The following SLC5A4 variants were observed in gnomAD, a reference collection of about 807,000 sequenced individuals.
SLC5A4 encodes the protein solute carrier family 5 member 4.
SLC5A4 carries 55 observed loss-of-function variants against 70.3 expected under a neutral mutation model. That is an observed-to-expected ratio of 0.78 (90% CI 0.63 to 0.98). The LOEUF is 0.98. SLC5A4 is among the 50% of genes least tolerant of loss of function. The pLI is 0.00. For synonymous variants in SLC5A4, 268 were observed against 305.7 expected (o/e 0.88, Z 1.29); for missense variants, 735 against 839.2 (o/e 0.88, Z 1.53).
intron 3 of SLC5A4, among the ~76,000 whole-genome samples, chr22:32,249,105 A>G (rs1368017754): frequency 2.0e-5 from 3 of 152,232 alleles, no homozygotes; most frequent in Admixed American, 1.3e-4. Flanking sequence ...CTTGAATTGC[A>G]TAAATGATAA....
the SLC5A4 span, among the ~76,000 whole-genome samples, chr22:32,315,992 C>T: frequency 0.47 from 71,649 of 151,116 alleles, 17,480 homozygotes; most frequent in East Asian, 0.72. Flanking sequence ...CATGATGAAA[C>T]CCCGTCTCTA....
chr22:32,261,799 A>G, the SLC5A4 span, among the ~76,000 whole-genome samples: 1 of 152,200 alleles, frequency 6.6e-6, no homozygotes, highest in Admixed American at 6.5e-5. Flanking sequence ...CCCATTAACC[A>G]TCCTCACCTC....
the SLC5A4 span, among the ~76,000 whole-genome samples, chr22:32,329,188 C>T: frequency 6.6e-6 from 1 of 151,966 alleles, no homozygotes; most frequent in African/African-American, 2.4e-5. Context: ...GGCTCTGGCC[C>T]AGCCTTGCCA....
At chr22:32,220,690 C>T (rs1239875962) in intron 14 of SLC5A4, among the ~76,000 whole-genome samples, 1 of 152,200 alleles carries the variant, frequency 6.6e-6, no homozygotes, top group Non-Finnish European at 1.5e-5. Context: ...ACTGTCATCT[C>T]AGTAACTATG....
chr22:32,314,611 A>AT, the SLC5A4 span, among the ~76,000 whole-genome samples: 4,046 of 152,270 alleles, frequency 0.027, 52 homozygotes, highest in Admixed American at 0.035. Flanking sequence ...TGGGCAGATG[A>AT]TTTTTTTAAA....
the SLC5A4 span, among the ~76,000 whole-genome samples, chr22:32,336,987 A>C: frequency 6.6e-6 from 1 of 152,264 alleles, no homozygotes; most frequent in Non-Finnish European, 1.5e-5. Context: ...GTTCCAGAGA[A>C]AGAAAAGCAG....
chr22:32,349,947 T>G, the SLC5A4 span, among the ~76,000 whole-genome samples: 1 of 152,156 alleles, frequency 6.6e-6, no homozygotes, highest in Non-Finnish European at 1.5e-5. Flanking sequence ...TCCGCAACTT[T>G]CTTTAGCTCT....
chr22:32,220,898 C>T, intron 14 of SLC5A4, 22 bp downstream of exon 14: 1 of 1,517,946 alleles, frequency 6.6e-7, no homozygotes, highest in Middle Eastern at 1.7e-4. Context: ...TACATGAAAA[C>T]CAAATGTAAA....
At chr22:32,317,916 C>T in the SLC5A4 span, among the ~76,000 whole-genome samples, 1 of 152,230 alleles carries the variant, frequency 6.6e-6, no homozygotes, top group African/African-American at 2.4e-5. Context: ...CATCCCTTAG[C>T]CCCTCCCAAC....
chr22:32,278,437 A>G, the SLC5A4 span, among the ~76,000 whole-genome samples: 1 of 152,252 alleles, frequency 6.6e-6, no homozygotes, highest in Non-Finnish European at 1.5e-5. Context: ...GAATTCTTCA[A>G]AGTTAATAGA....
In SLC5A4 at chr22:32,220,902, A is replaced by G. The variant is rs1446819699; in HGVS notation, c.1768+18T>C. On this transcript the variant is annotated intron_variant, in intron 14 of 14. Transcript: ENST00000266086. ...CACAGAGTTCCTACATGAAAACCAA[A>G]TGTAAACCAAATATTACCTTCTTCA... 13 of 1,544,330 alleles carry G rather than the reference A, an allele frequency of 8.4e-6. No homozygotes were observed. The highest frequency in any genetic ancestry group is 1.2e-5 in the Non-Finnish European group (13 of 1,116,438).
upstream of SLC5A4, among the ~76,000 whole-genome samples, chr22:32,257,615 G>A (rs1016863793): frequency 1.3e-5 from 2 of 150,952 alleles, no homozygotes; most frequent in South Asian, 2.1e-4. Flanking sequence ...GCCTCTCAAA[G>A]TGCTGGGATT....
At chr22:32,311,493 C>A in the SLC5A4 span, among the ~76,000 whole-genome samples, 1 of 152,184 alleles carries the variant, frequency 6.6e-6, no homozygotes, top group African/African-American at 2.4e-5. Flanking sequence ...CTCATAGGTG[C>A]CCCGGGGCAG....
rs563990153 is a variant in SLC5A4, at chr22:32,219,183, A to C, written c.1769-458T>G. Among the ~76,000 whole-genome samples the C allele has an allele frequency of 7.2e-5, 11 of 152,336 alleles. No individual in the cohort carries two copies. In the East Asian group the frequency reaches 1.7e-3, roughly 24 times the overall value. On this transcript the variant is annotated intron_variant, in intron 14 of 14. Coordinates refer to ENST00000266086, the MANE Select transcript of SLC5A4 (RefSeq NM_014227.3). ...GGGAAAAATACAGAAGTTTCACAACATACTGTGTTAGTGAGTTTGCGTGGA... is the reference window on the plus strand; with the variant it reads ...GGGAAAAATACAGAAGTTTCACAACCTACTGTGTTAGTGAGTTTGCGTGGA...
chr22:32,329,632 AG>A, the SLC5A4 span, among the ~76,000 whole-genome samples: 9 of 16,190 alleles, frequency 5.6e-4, no homozygotes, highest in Admixed American at 1.1e-3. Flanking sequence ...TGTGTGTTGG[AG>A]GGCTCTGGGG....
chr22:32,278,218 A>G, the SLC5A4 span, among the ~76,000 whole-genome samples: 1 of 152,222 alleles, frequency 6.6e-6, no homozygotes, highest in Non-Finnish European at 1.5e-5. Flanking sequence ...GCTTTACAAA[A>G]TCATTTGAGC....
chr22:32,282,046 T>G, the SLC5A4 span, among the ~76,000 whole-genome samples: 1 of 152,138 alleles, frequency 6.6e-6, no homozygotes, highest in East Asian at 1.9e-4. Flanking sequence ...TTTCACCATG[T>G]TGTCCAGGCT....
chr22:32,239,294 G>A (rs1332917883), intron 5 of SLC5A4, among the ~76,000 whole-genome samples: 4 of 151,084 alleles, frequency 2.6e-5, no homozygotes, highest in South Asian at 2.1e-4. Flanking sequence ...TTCTGTAGTC[G>A]CATAGAAGTT....
chr22:32,329,005 C>T, the SLC5A4 span, among the ~76,000 whole-genome samples: 2 of 152,250 alleles, frequency 1.3e-5, no homozygotes, highest in Non-Finnish European at 2.9e-5. Flanking sequence ...GCTTCCTCTT[C>T]CTACTGGTGC....
Sources: gnomAD v4.1 joint callset for allele counts (sites outside exome capture counted in the v4.1 genomes callset) on GRCh38, gnomAD v4.1.1 for gene constraint, MANE v1.5 for transcripts, NCBI Gene and HGNC (gene_info 2026-07-23, HGNC 2026-07-21) for gene names.